Variants in ARHGEF10 observed in about 807,000 individuals in gnomAD.
ARHGEF10 encodes the protein Rho guanine nucleotide exchange factor 10.
Under a neutral mutation model 147.4 loss-of-function variants are expected in ARHGEF10, and 140 were observed. The observed-to-expected ratio is 0.95, with a 90% CI of 0.83 to 1.09. The LOEUF (loss-of-function observed/expected upper bound fraction) is 1.09, where lower values mean the gene tolerates loss of function less well. ARHGEF10 is among the 50% of genes least tolerant of loss of function. The pLI is 0.00. For synonymous variants in ARHGEF10, 902 were observed against 695.8 expected (o/e 1.30, Z -4.67); for missense variants, 2,222 against 1,752.7 (o/e 1.27, Z -4.78).
Position 1,839,919 on chromosome 8 carries a change from C to T in ARHGEF10, c.-47-3434C>T, listed in dbSNP as rs374537411. The stretch of plus-strand genomic sequence containing the variant: ...GGGACTGTCCGGTGTGGGGACTGTC[C>T]GGTGTGGGGACTGTCTGGTGTGGGG... On this transcript the variant is annotated intron_variant, in intron 1 of 28. Coordinates refer to ENST00000349830, the MANE Select transcript of ARHGEF10 (RefSeq NM_014629.4). 2.4e-3 allele frequency among the ~76,000 whole-genome samples: 173 copies of T among 71,112 alleles called. 2 individuals carry two copies. Among genetic ancestry groups the T allele is most frequent in the African/African-American group, 5.6e-3 (85 of 15,046 alleles). 46.7% of individuals were successfully genotyped at this position (71,112 alleles called of 152,430 possible).
intron 14 of ARHGEF10, among the ~76,000 whole-genome samples, chr8:1,896,807 G>A (rs942700066): frequency 3.3e-5 from 5 of 152,164 alleles, no homozygotes; most frequent in Admixed American, 6.5e-5. Context: ...CTTTGGGATC[G>A]GGGAGAGGCA....
rs1367806558 is a variant in ARHGEF10, at chr8:1,898,414, C to A, written c.1558-19C>A. 1 of 1,612,798 alleles carries A rather than the reference C, an allele frequency of 6.2e-7. No homozygotes were observed. Among genetic ancestry groups the A allele is most frequent in the Admixed American group, 1.7e-5 (1 of 59,976 alleles). On this transcript the variant is annotated intron_variant, in intron 14 of 28. Coordinates refer to ENST00000349830, the MANE Select transcript of ARHGEF10 (RefSeq NM_014629.4). Reference sequence around the variant, plus strand: ...ATGGCAGCCCTGCAGGGAGGTGACCCCGGTGCCTTCCCCCACAGCAGGAAC... The same window carrying A: ...ATGGCAGCCCTGCAGGGAGGTGACCACGGTGCCTTCCCCCACAGCAGGAAC...
chr8:1,901,711 C>T (rs568644965), intron 15 of ARHGEF10, among the ~76,000 whole-genome samples: 156 of 152,348 alleles, frequency 1.0e-3, no homozygotes, highest in South Asian at 1.7e-3. Context: ...CTCCATCGCA[C>T]GCCTAGTCCC....
At chr8:1,925,068 A>C (rs1812582322) in intron 21 of ARHGEF10, among the ~76,000 whole-genome samples, 1 of 152,342 alleles carries the variant, frequency 6.6e-6, no homozygotes, top group East Asian at 1.9e-4. Flanking sequence ...CCTGCCACTT[A>C]GATGGGGCCA....
chr8:1,845,497 T>C (rs1563167174), intron 2 of ARHGEF10, among the ~76,000 whole-genome samples: 1 of 152,154 alleles, frequency 6.6e-6, no homozygotes, highest in Non-Finnish European at 1.5e-5. Flanking sequence ...TGGGGAAAGT[T>C]AAAAATGAAA....
chr8:1,890,582 GGTCT>G (rs1809439235), intron 11 of ARHGEF10, among the ~76,000 whole-genome samples: 1 of 140,776 alleles, frequency 7.1e-6, no homozygotes, highest in South Asian at 2.4e-4. Flanking sequence ...AGTGTGTAAG[GGTCT>G]GTGAGGAGAC....
intron 1 of ARHGEF10, among the ~76,000 whole-genome samples, chr8:1,832,220 T>TGCCC (rs1803157939): frequency 8.4e-6 from 1 of 118,708 alleles, no homozygotes. Context: ...CGTCCGTAGA[T>TGCCC]GCCCGGAGGA....
At position 1,909,289 on chromosome 8, in the gene ARHGEF10, T is replaced by A. The variant is rs767077445; in HGVS notation, c.1968-6T>A. ...TCGTAAAACAAGGATCTTTTGGTCG[T>A]TTCAGCCCCTCTCATGACAGCCGTG... On this transcript the variant is annotated splice_region_variant and splice_polypyrimidine_tract_variant and intron_variant, in intron 17 of 28. Transcript: ENST00000349830. 5 of 1,614,228 alleles carry A rather than the reference T, an allele frequency of 3.1e-6. No individual in the cohort carries two copies. Among genetic ancestry groups the A allele is most frequent in the Non-Finnish European group, 4.2e-6 (5 of 1,180,052 alleles).
At chr8:1,886,698 G>A (rs190737313) in intron 11 of ARHGEF10, among the ~76,000 whole-genome samples, 2 of 152,148 alleles carry the variant, frequency 1.3e-5, no homozygotes, top group African/African-American at 2.4e-5. Context: ...CCCCGTGCCC[G>A]GTCCCTGGTG....
intron 2 of ARHGEF10, among the ~76,000 whole-genome samples, chr8:1,850,903 A>G (rs1805082718): frequency 6.6e-6 from 1 of 152,144 alleles, no homozygotes; most frequent in South Asian, 2.1e-4. Flanking sequence ...AAAGACATGG[A>G]GGAGCCTTAA....
At chr8:1,909,107 C>G (rs985197122) in intron 17 of ARHGEF10, among the ~76,000 whole-genome samples, 188 bp from the exon 18 acceptor site, 1 of 152,198 alleles carries the variant, frequency 6.6e-6, no homozygotes, top group Non-Finnish European at 1.5e-5. Flanking sequence ...TCATCCAGTT[C>G]GAGGCCTCTT....
rs189989926 is a variant in ARHGEF10, at chr8:1,933,818, A to G, written c.3098A>G (p.Glu1033Gly). ...ARAPDGSWDS[E>G]PQKVIKLGVL... ...TTTTAAGATGGATCCTGGGATTCAG[A>G]ACCTCAAAAAGTGATCAAGTTAGGC... is the stretch of plus-strand genomic sequence containing the variant. The change falls in exon 26 of 29, where the codon GAA becomes GGA. Residue 1033 changes from glutamate to glycine, a missense_variant. Transcript: ENST00000349830. 989 of 1,614,240 alleles carry G rather than the reference A, an allele frequency of 6.1e-4. 1 individual carries two copies. The highest frequency in any genetic ancestry group is 7.4e-4 in the Non-Finnish European group (875 of 1,180,044).
chr8:1,836,700 C>CT (rs1303502263), intron 1 of ARHGEF10, among the ~76,000 whole-genome samples: 1 of 152,166 alleles, frequency 6.6e-6, no homozygotes, highest in Non-Finnish European at 1.5e-5. Flanking sequence ...GGCGTGGTTT[C>CT]TGTGTCAGCC....
rs192477837 is a variant in ARHGEF10, at chr8:1,937,012, C to T, written c.3222+3070C>T. ...CCTGGGTCCTGAGCCTCCTGGAGGC[C>T]GACGCTCTGCCGTGGATCATGAATA... is the stretch of plus-strand genomic sequence containing the variant. On this transcript the variant is annotated intron_variant, in intron 26 of 28. Transcript: ENST00000349830. This position sits in a 1 kb window ranked among gnomAD's most constrained non-coding sequence, Gnocchi z 4.9. Among the ~76,000 whole-genome samples the T allele has an allele frequency of 9.9e-5, 15 of 152,266 alleles. No individual in the cohort carries two copies. In the South Asian group the frequency reaches 2.5e-3, roughly 25 times the overall value.
At chr8:1,837,768 C>T (rs558165478) in intron 1 of ARHGEF10, among the ~76,000 whole-genome samples, 1 of 152,096 alleles carries the variant, frequency 6.6e-6, no homozygotes, top group Non-Finnish European at 1.5e-5. Flanking sequence ...CTCTGAAGCC[C>T]GAGGCTGCCT....
At chr8:1,912,170 C>G (rs1811406789) in intron 18 of ARHGEF10, among the ~76,000 whole-genome samples, 1 of 152,058 alleles carries the variant, frequency 6.6e-6, no homozygotes, top group South Asian at 2.1e-4. Context: ...TGCAAAAGCG[C>G]CGTGTCGATT....
At chr8:1,933,574 A>T (rs576871545) in intron 25 of ARHGEF10, among the ~76,000 whole-genome samples, 22 of 150,766 alleles carry the variant, frequency 1.5e-4, no homozygotes, top group African/African-American at 5.4e-4. Context: ...GGGGGTCTTG[A>T]GGGCTGCGTG....
intron 28 of ARHGEF10, among the ~76,000 whole-genome samples, chr8:1,955,157 C>T (rs59394165): frequency 6.1e-5 from 8 of 131,310 alleles, no homozygotes; most frequent in South Asian, 2.5e-4. Context: ...GGAGGATAGC[C>T]AGGTGCTCCC....
At chr8:1,828,775 A>C (rs960993107) in intron 1 of ARHGEF10, among the ~76,000 whole-genome samples, 2 of 150,848 alleles carry the variant, frequency 1.3e-5, no homozygotes, top group Non-Finnish European at 3.0e-5. Context: ...ATGCACACTT[A>C]CTGTTTTAAG....
Sources: allele counts gnomAD v4.1 joint callset (sites outside exome capture counted in the v4.1 genomes callset), GRCh38; gene constraint gnomAD v4.1.1; non-coding constraint Gnocchi (gnomAD v3.1); transcripts MANE v1.5; gene names NCBI Gene and HGNC (gene_info 2026-07-23, HGNC 2026-07-21).